The following DDIT4L variants were observed in gnomAD, a reference collection of about 807,000 sequenced individuals.
DDIT4L encodes the protein DNA damage-inducible transcript 4-like protein.
Under a neutral mutation model 15.9 loss-of-function variants are expected in DDIT4L, and 13 were observed. That is an observed-to-expected ratio of 0.82 (90% confidence interval 0.53 to 1.30). DDIT4L has a LOEUF of 1.30. Among genes scored for constraint, DDIT4L ranks in the 50% most tolerant of loss-of-function variants. DDIT4L has a pLI of 0.00. For missense variants in DDIT4L, 235 were observed against 224.8 expected, an observed-to-expected ratio of 1.05 and a Z score of -0.29; for synonymous variants, 82 against 85.4, an observed-to-expected ratio of 0.96 and a Z score of 0.22.
At chr4:100,189,851 C>A in intron 2 of DDIT4L, 42 bp downstream of exon 2, 1 of 1,597,280 alleles carries the variant, frequency 6.3e-7, no homozygotes, top group Non-Finnish European at 8.6e-7. Flanking sequence ...CCAGAGGCAC[C>A]GACCTTGGGA....
At chr4:100,188,245 T>C in intron 2 of DDIT4L, 78 bp from the exon 3 acceptor site, 1 of 1,434,770 alleles carries the variant, frequency 7.0e-7, no homozygotes, top group Non-Finnish European at 9.4e-7. Context: ...GATATCAACA[T>C]TGGTTACCTC....
In DDIT4L at chr4:100,188,000, T is replaced by C. The variant is rs1445763095; in HGVS notation, c.259A>G (p.Arg87Gly). Residue 87 changes from arginine to glycine, a missense_variant, in exon 3 of 3, where the codon AGA becomes GGA. Arg to Gly is a moderately radical substitution (Grantham distance 125). Coordinates refer to ENST00000273990, the MANE Select transcript of DDIT4L (RefSeq NM_145244.4). ...KVLVPEKLTQ[R>G]IAQDVLRLSS... Reference sequence around the variant, plus strand: ...AGCCGCAGGACATCTTGAGCAATTCTCTGGGTCAGTTTCTCAGGGACAAGG... The same window carrying C: ...AGCCGCAGGACATCTTGAGCAATTCCCTGGGTCAGTTTCTCAGGGACAAGG... The C allele has an allele frequency of 6.2e-7, 1 of 1,614,194 alleles. No homozygotes were observed. Among genetic ancestry groups the C allele is most frequent in the East Asian group, 2.2e-5 (1 of 44,886 alleles).
chr4:100,189,980 C>A lies in DDIT4L; in HGVS notation c.4G>T (p.Val2Phe). 1 of 1,614,094 alleles carries A rather than the reference C, an allele frequency of 6.2e-7. No homozygotes were observed. Among genetic ancestry groups the A allele is most frequent in the Non-Finnish European group, 8.5e-7 (1 of 1,179,996 alleles). Reference protein sequence around the residue: MVATGSLSSKNP... With the variant: MFATGSLSSKNP... Reference sequence around the variant, plus strand: ...TTGCTGCTCAAACTGCCAGTTGCAACCATGGTCAACGGCTCTGTTTCCTTC... The same window carrying A: ...TTGCTGCTCAAACTGCCAGTTGCAAACATGGTCAACGGCTCTGTTTCCTTC... Residue 2 changes from valine to phenylalanine, a missense_variant, in exon 2 of 3, where the codon GTT becomes TTT. Val to Phe is a conservative substitution (Grantham distance 50, BLOSUM62 -1). Coordinates refer to ENST00000273990, the MANE Select transcript of DDIT4L (RefSeq NM_145244.4).
At position 100,187,872 on chromosome 4, in the gene DDIT4L, G is replaced by A. The variant is rs954060552; in HGVS notation, c.387C>T (p.Ser129=). The A allele has an allele frequency of 4.6e-5, 74 of 1,613,674 alleles. No homozygotes were observed. Among genetic ancestry groups the A allele is most frequent in the Non-Finnish European group, 5.8e-5 (68 of 1,179,976 alleles). Residue 129 remains serine, a synonymous_variant, in exon 3 of 3, where the codon AGC becomes AGT. Coordinates refer to ENST00000273990, the MANE Select transcript of DDIT4L (RefSeq NM_145244.4). ...KKLDRIVCDS[S]VVPTFELTLV... ...GTGTAAGCTCAAAAGTAGGTACGACGCTAGAATCACACACAATCCTATCCA... is the reference window on the plus strand; with the variant it reads ...GTGTAAGCTCAAAAGTAGGTACGACACTAGAATCACACACAATCCTATCCA...
chr4:100,187,871 C>A lies in DDIT4L; in HGVS notation c.388G>T (p.Val130Phe), dbSNP rs768990716. 1 of 1,613,848 alleles carries A rather than the reference C, an allele frequency of 6.2e-7. No individual in the cohort carries two copies. The highest frequency in any genetic ancestry group is 1.7e-5 in the Admixed American group (1 of 59,942). The change falls in exon 3 of 3, where the codon GTC (valine) becomes TTC (phenylalanine). Residue 130 changes from valine (V) to phenylalanine (F), a missense_variant. Val to Phe is a conservative substitution (Grantham distance 50). Coordinates refer to ENST00000273990, the MANE Select transcript of DDIT4L (RefSeq NM_145244.4). ...AGTGTAAGCTCAAAAGTAGGTACGA[C>A]GCTAGAATCACACACAATCCTATCC... is the stretch of plus-strand genomic sequence containing the variant. ...KLDRIVCDSS[V>F]VPTFELTLVF...
At chr4:100,190,259 C>T (rs904208972) in intron 1 of DDIT4L, 44 bp downstream of exon 1, 59 of 426,506 alleles carry the variant, frequency 1.4e-4, no homozygotes, top group African/African-American at 1.2e-3. Flanking sequence ...CCGCGGAGCG[C>T]CCCCCGGCCC....
At chr4:100,188,588 G>T (rs2110148814) in intron 2 of DDIT4L, among the ~76,000 whole-genome samples, 1 of 152,208 alleles carries the variant, frequency 6.6e-6, no homozygotes, top group South Asian at 2.1e-4. Flanking sequence ...ATTACTTCTG[G>T]AATAAAAAGT....
At chr4:100,190,090 G>C in intron 1 of DDIT4L, 58 bp from the exon 2 acceptor site, 1 of 1,087,754 alleles carries the variant, frequency 9.2e-7, no homozygotes, top group Non-Finnish European at 1.4e-6. Context: ...TCGTGCAGAG[G>C]CTCCTAAAAT....
At position 100,187,498 on chromosome 4, in the gene DDIT4L, A is replaced by G. The variant is rs947085812; in HGVS notation, c.*179T>C. ...TACACTATTTTGAATCACTTCTCCA[A>G]AGGCCAGAAAATCAGCCTGTTAGCT... On this transcript the variant is annotated 3_prime_UTR_variant, in exon 3 of 3. Coordinates refer to ENST00000273990, the MANE Select transcript of DDIT4L (RefSeq NM_145244.4). 4 of 645,232 alleles carry G rather than the reference A, an allele frequency of 6.2e-6. No individual in the cohort carries two copies. In the East Asian group the frequency reaches 1.3e-4, roughly 22 times the overall value. The allele number at this position is 645,232 out of a possible 1,614,324, so 40.0% of individuals were successfully genotyped here.
chr4:100,188,025 G>A lies in DDIT4L; in HGVS notation c.234C>T (p.Val78=), dbSNP rs779530118. Residue 78 remains valine, a synonymous_variant, in exon 3 of 3, where the codon GTC becomes GTT. Coordinates refer to ENST00000273990, the MANE Select transcript of DDIT4L (RefSeq NM_145244.4). ...TCTGGGTCAGTTTCTCAGGGACAAG[G>A]ACCTTTGAGCAACCAAGTTTAGTTT... ...SKQTKLGCSK[V]LVPEKLTQRI... is the part of the protein sequence containing the mutation. 3 of 1,614,176 alleles carry A rather than the reference G, an allele frequency of 1.9e-6. 1 individual carries two copies. In the Admixed American group the frequency reaches 5.0e-5, roughly 27 times the overall value.
chr4:100,189,867 G>A (rs758996325), intron 2 of DDIT4L, 26 bp downstream of exon 2: 12 of 1,610,644 alleles, frequency 7.5e-6, no homozygotes, highest in Non-Finnish European at 1.0e-5. Flanking sequence ...TGGGAGGGGA[G>A]AAGGGTGGAC....
rs1356208273 is a variant in DDIT4L at position 100,185,982 on chromosome 4, G to A, written c.*1695C>T. ...CATCACCATTTTGTAAGCATAACAGGCAAGAGAGTCAAAGATAACTGTTAG... is the reference window on the plus strand; with the variant it reads ...CATCACCATTTTGTAAGCATAACAGACAAGAGAGTCAAAGATAACTGTTAG... On this transcript the variant is annotated 3_prime_UTR_variant, in exon 3 of 3. Transcript: ENST00000273990. 1 of 152,142 alleles carries A rather than the reference G, an allele frequency of 6.6e-6. No homozygotes were observed. The highest frequency in any genetic ancestry group is 1.9e-4 in the East Asian group (1 of 5,200). The allele number at this position is 152,142 out of a possible 1,614,324, so 9.4% of individuals were successfully genotyped here.
intron 2 of DDIT4L, among the ~76,000 whole-genome samples, chr4:100,188,500 C>CA (rs1560555609): frequency 6.6e-6 from 1 of 152,132 alleles, no homozygotes; most frequent in African/African-American, 2.4e-5. Flanking sequence ...GTGATTATCC[C>CA]AGATTATTGG....
chr4:100,187,730 CAA>C lies in DDIT4L; in HGVS notation c.527_528del (p.Leu176ArgfsTer2). Reference protein sequence around the residue: ...RTLILSSGFRLVKKKLYSLIG... With the variant: ...RTLILSSGFRXVKKKLYSLIG... Reference sequence around the variant, plus strand: ...ATCAGTGAGTAAAGTTTTTTCTTAACAAGTCGAAATCCTGAGCTGAGGATCAG... The same window carrying C: ...ATCAGTGAGTAAAGTTTTTTCTTAACGTCGAAATCCTGAGCTGAGGATCAG... On this transcript the variant is annotated frameshift_variant, in exon 3 of 3. Coordinates refer to ENST00000273990, the MANE Select transcript of DDIT4L (RefSeq NM_145244.4). LOFTEE classifies it high-confidence loss of function. The C allele has an allele frequency of 6.2e-7, 1 of 1,609,416 alleles. No individual in the cohort carries two copies. The highest frequency in any genetic ancestry group is 8.5e-7 in the Non-Finnish European group (1 of 1,178,968).
Position 100,188,244 on chromosome 4 carries a change from A to T in DDIT4L, c.92-77T>A, listed in dbSNP as rs113549182. ...AGAAAAAAAACACCAAGATATCAAC[A>T]TTGGTTACCTCTATCTACCATGTCT... On this transcript the variant is annotated intron_variant, in intron 2 of 2. Coordinates refer to ENST00000273990, the MANE Select transcript of DDIT4L (RefSeq NM_145244.4). The T allele has an allele frequency of 1.8e-5, 25 of 1,416,718 alleles. No individual in the cohort carries two copies. The African/African-American group carries it at 2.7e-4, about 16-fold the overall frequency. 87.8% of individuals were successfully genotyped at this position (1,416,718 alleles called of 1,614,324 possible).
At chr4:100,188,262 C>T (rs1723457181) in intron 2 of DDIT4L, 95 bp from the exon 3 acceptor site, 18 of 1,287,886 alleles carry the variant, frequency 1.4e-5, no homozygotes, top group Non-Finnish European at 1.9e-5. Context: ...CCTCTATCTA[C>T]CATGTCTGCC....
In DDIT4L at chr4:100,187,894, T is replaced by C; in HGVS notation, c.365A>G (p.Asp122Gly). ...GACGCTAGAATCACACACAATCCTATCCAGCTTTTTACATACATTTTCAAT... is the reference window on the plus strand; with the variant it reads ...GACGCTAGAATCACACACAATCCTACCCAGCTTTTTACATACATTTTCAAT... Reference protein sequence around the residue: ...LEIENVCKKLDRIVCDSSVVP... With the variant: ...LEIENVCKKLGRIVCDSSVVP... Residue 122 changes from aspartate (D) to glycine (G), a missense_variant, in exon 3 of 3, where the codon GAT (aspartate) becomes GGT (glycine). Physicochemically the swap from Asp to Gly is moderately conservative, Grantham distance 94. Coordinates refer to ENST00000273990, the MANE Select transcript of DDIT4L (RefSeq NM_145244.4). 3 of 1,614,016 alleles carry C rather than the reference T, an allele frequency of 1.9e-6. No individual in the cohort carries two copies. The highest frequency in any genetic ancestry group is 2.5e-6 in the Non-Finnish European group (3 of 1,180,024).
In DDIT4L at chr4:100,187,966, G is replaced by A. The variant is rs183155282; in HGVS notation, c.293C>T (p.Thr98Met). Residue 98 changes from threonine (T) to methionine (M), a missense_variant, in exon 3 of 3, where the codon ACG (threonine) becomes ATG (methionine). Transcript: ENST00000273990. ...IAQDVLRLSSTEPCGLRGCVM... is the reference protein window; with the variant it reads ...IAQDVLRLSSMEPCGLRGCVM... ...ACAACCTCGCAAGCCGCAGGGCTCC[G>A]TTGAGGAAAGCCGCAGGACATCTTG... 39 of 1,614,052 alleles carry A rather than the reference G, an allele frequency of 2.4e-5. No individual in the cohort carries two copies. Among genetic ancestry groups the A allele is most frequent in the African/African-American group, 1.3e-4 (10 of 75,036 alleles).
chr4:100,189,178 A>T (rs1173612739), intron 2 of DDIT4L, among the ~76,000 whole-genome samples: 1 of 152,254 alleles, frequency 6.6e-6, no homozygotes, highest in Non-Finnish European at 1.5e-5. Flanking sequence ...TAAGCAGTTT[A>T]TCTATGCTCT....
Sources: gnomAD v4.1 joint callset for allele counts (sites outside exome capture counted in the v4.1 genomes callset) on GRCh38, gnomAD v4.1.1 for gene constraint, MANE v1.5 for transcripts, NCBI Gene and HGNC (gene_info 2026-07-23, HGNC 2026-07-21) for gene names.